Variants in DLGAP2 observed in about 807,000 individuals in gnomAD.
DLGAP2 encodes disks large-associated protein 2.
A neutral mutation model predicts 100.3 loss-of-function variants in DLGAP2; 26 were observed. The ratio of observed to expected loss-of-function variants is 0.26; its 90% CI spans 0.19 to 0.36. The LOEUF is 0.36. Ranked by LOEUF, DLGAP2 falls within the 10% of genes least tolerant of loss-of-function variation. DLGAP2 has a pLI of 1.00. For synonymous variants in DLGAP2, 886 were observed against 630.1 expected (o/e 1.41, Z -6.08); for missense variants, 1,858 against 1,453.2 (o/e 1.28, Z -4.53).
chr8:839,355 A>C (rs911454106), intron 1 of DLGAP2, among the ~76,000 whole-genome samples: 4 of 152,362 alleles, frequency 2.6e-5, no homozygotes, highest in Admixed American at 2.6e-4. Context: ...AGGTGAATGG[A>C]TAAAATGTGC....
chr8:764,141 C>T (rs959025613), intron 1 of DLGAP2, among the ~76,000 whole-genome samples: 2 of 152,158 alleles, frequency 1.3e-5, no homozygotes, highest in African/African-American at 4.8e-5. Context: ...GCATGACATG[C>T]TGTCTGAATT....
intron 2 of DLGAP2, among the ~76,000 whole-genome samples, chr8:1,037,265 C>G (rs551567333): frequency 6.6e-6 from 1 of 152,320 alleles, no homozygotes; most frequent in Non-Finnish European, 1.5e-5. Context: ...CTTTCTCTCT[C>G]TGTTATCACC....
At chr8:1,413,220 C>G (rs374974764) in intron 3 of DLGAP2, among the ~76,000 whole-genome samples, 1 of 152,054 alleles carries the variant, frequency 6.6e-6, no homozygotes, top group African/African-American at 2.4e-5. Flanking sequence ...GTTTCAACAC[C>G]TTTATTATTA....
intron 2 of DLGAP2, among the ~76,000 whole-genome samples, chr8:1,134,520 C>T (rs1344362870): frequency 1.6e-5 from 1 of 63,876 alleles, no homozygotes; most frequent in Admixed American, 1.6e-4. Flanking sequence ...TTAGTAATAG[C>T]CAGGAATTTG....
At chr8:894,193 G>A (rs374895819) in intron 1 of DLGAP2, among the ~76,000 whole-genome samples, 1 of 152,310 alleles carries the variant, frequency 6.6e-6, no homozygotes, top group African/African-American at 2.4e-5. Context: ...GACGCCCCCA[G>A]AGCAGCCTCC....
intron 2 of DLGAP2, among the ~76,000 whole-genome samples, chr8:1,173,156 A>G (rs928602725): frequency 2.0e-5 from 3 of 152,204 alleles, no homozygotes; most frequent in Non-Finnish European, 4.4e-5. Context: ...CTCCAGACCC[A>G]GTTTGCCTGG....
chr8:1,616,337 G>A (rs891516066), intron 6 of DLGAP2, among the ~76,000 whole-genome samples: 2 of 152,004 alleles, frequency 1.3e-5, no homozygotes, highest in Non-Finnish European at 2.9e-5. Flanking sequence ...AGGTTTTGAA[G>A]AAAAAATGGC....
At chr8:1,468,079 T>G (rs1798674656) in intron 3 of DLGAP2, among the ~76,000 whole-genome samples, 2 of 152,212 alleles carry the variant, frequency 1.3e-5, no homozygotes, top group Admixed American at 6.5e-5. Context: ...AGAGACACTT[T>G]CAGAAATCAC....
intron 2 of DLGAP2, among the ~76,000 whole-genome samples, chr8:1,194,417 C>T (rs982147514): frequency 2.0e-5 from 3 of 152,134 alleles, no homozygotes; most frequent in Admixed American, 1.3e-4. Context: ...CTAGGCAGAG[C>T]TGGAGGCTCC....
At chr8:1,420,002 A>C (rs1458334586) in intron 3 of DLGAP2, among the ~76,000 whole-genome samples, 1 of 152,248 alleles carries the variant, frequency 6.6e-6, no homozygotes, top group African/African-American at 2.4e-5. Flanking sequence ...CTGTAAAAAG[A>C]ATGAAATCCT....
In DLGAP2 at chr8:957,639, A is replaced by T. The variant is rs1584923401; in HGVS notation, c.73+49673A>T. Among the ~76,000 whole-genome samples the T allele has an allele frequency of 2.0e-5, 3 of 152,258 alleles. No homozygotes were observed. The East Asian group carries it at 5.8e-4, about 29-fold the overall frequency. ...TTCTTAGTGTTGAAATAGTCAAATGACTGTCCTACATAATGACCGTCATTA... is the reference window on the plus strand; with the variant it reads ...TTCTTAGTGTTGAAATAGTCAAATGTCTGTCCTACATAATGACCGTCATTA... On this transcript the variant is annotated intron_variant, in intron 2 of 14. Coordinates refer to ENST00000637795, the MANE Select transcript of DLGAP2 (RefSeq NM_001346810.2).
intron 3 of DLGAP2, among the ~76,000 whole-genome samples, chr8:1,447,814 G>A (rs1563155219): frequency 6.6e-6 from 1 of 152,082 alleles, no homozygotes; most frequent in African/African-American, 2.4e-5. Context: ...TTTAGTCTTG[G>A]GACAGTGTAT....
At chr8:1,175,497 A>G (rs1421204632) in intron 2 of DLGAP2, among the ~76,000 whole-genome samples, 1 of 152,256 alleles carries the variant, frequency 6.6e-6, no homozygotes, top group South Asian at 2.1e-4. Flanking sequence ...TTGGGCTAAT[A>G]AAAGTTGTTT....
chr8:1,517,324 G>T (rs908632884), intron 4 of DLGAP2, among the ~76,000 whole-genome samples: 4 of 152,194 alleles, frequency 2.6e-5, no homozygotes, highest in African/African-American at 2.4e-5. Flanking sequence ...CCTAGGCAGG[G>T]ATGGAAGAAC....
chr8:1,435,105 A>G lies in DLGAP2; in HGVS notation c.107-66261A>G, dbSNP rs539993994. On this transcript the variant is annotated intron_variant, in intron 3 of 14. Coordinates refer to ENST00000637795, the MANE Select transcript of DLGAP2 (RefSeq NM_001346810.2). ...AGCTTAGGGACCCAGGGCCCTTCCA[A>G]CCTACTCGGGCCTACTGTGTCCTCT... Among the ~76,000 whole-genome samples, 52 of 152,174 alleles carry G rather than the reference A, an allele frequency of 3.4e-4. 1 individual carries two copies. The highest frequency in any genetic ancestry group is 3.5e-4 in the Non-Finnish European group (24 of 68,034).
At chr8:1,153,935 C>T (rs1291855013) in intron 2 of DLGAP2, among the ~76,000 whole-genome samples, 1 of 152,162 alleles carries the variant, frequency 6.6e-6, no homozygotes, top group Non-Finnish European at 1.5e-5. Context: ...GTCTCCTCCC[C>T]TTTCCTAGGG....
At chr8:768,185 G>A (rs1186687638) in intron 1 of DLGAP2, among the ~76,000 whole-genome samples, 1 of 152,098 alleles carries the variant, frequency 6.6e-6, no homozygotes, top group Non-Finnish European at 1.5e-5. Flanking sequence ...TCACTGCAGC[G>A]TCTGAGGGAG....
At chr8:1,619,579 C>G (rs1797262558) in intron 6 of DLGAP2, 1 of 152,252 alleles carries the variant, frequency 6.6e-6, no homozygotes, top group South Asian at 2.1e-4. Flanking sequence ...AGACATCTAC[C>G]AAATGCTAAA....
chr8:1,101,712 G>A lies in DLGAP2; in HGVS notation c.74-157139G>A, dbSNP rs2600512. Among the ~76,000 whole-genome samples the A allele has an allele frequency of 4.4e-3, 243 of 54,776 alleles. 6 individuals are homozygous for A. Among genetic ancestry groups the A allele is most frequent in the Non-Finnish European group, 6.5e-3 (187 of 28,576 alleles). The allele number at this position is 54,776 out of a possible 152,430, so 35.9% of individuals were successfully genotyped here. A position where few individuals can be genotyped will look rare whatever the true frequency, so the allele number is the denominator to read the frequency against. On this transcript the variant is annotated intron_variant, in intron 2 of 14. Coordinates refer to ENST00000637795, the MANE Select transcript of DLGAP2 (RefSeq NM_001346810.2). The stretch of plus-strand genomic sequence containing the variant: ...ACGATGGGAAGGTCCTCGTCACCCC[G>A]GAGCCGAACACGACACGACGATGGG...
Sources: allele counts gnomAD v4.1 joint callset (sites outside exome capture counted in the v4.1 genomes callset), GRCh38; gene constraint gnomAD v4.1.1; transcripts MANE v1.5; gene names NCBI Gene and HGNC (gene_info 2026-07-23, HGNC 2026-07-21).